Variants in SERGEF observed in about 807,000 individuals in gnomAD.
SERGEF encodes the protein secretion regulating guanine nucleotide exchange factor, also known as secretion-regulating guanine nucleotide exchange factor.
SERGEF carries 51 observed loss-of-function variants against 50.0 expected under a neutral mutation model. The observed-to-expected ratio is 1.02, with a 90% CI of 0.81 to 1.29. The LOEUF (loss-of-function observed/expected upper bound fraction) is 1.29, where lower values mean the gene tolerates loss of function less well. SERGEF is among the 50% of genes most tolerant of loss of function. SERGEF has a pLI of 0.00. For missense variants in SERGEF, 521 were observed against 557.0 expected (o/e 0.94, Z 0.65); for synonymous variants, 205 against 212.4 (o/e 0.97, Z 0.30).
chr11:17,835,905 T>C (rs992373350), intron 10 of SERGEF, among the ~76,000 whole-genome samples: 1 of 152,228 alleles, frequency 6.6e-6, no homozygotes, highest in Non-Finnish European at 1.5e-5. Context: ...GAATTATAAA[T>C]GATAACTGGG....
At chr11:17,868,873 A>G (rs1851081164) in intron 10 of SERGEF, among the ~76,000 whole-genome samples, 1 of 152,144 alleles carries the variant, frequency 6.6e-6, no homozygotes, top group South Asian at 2.1e-4. Context: ...TATCATGAGA[A>G]CAGCATGAGA....
At chr11:17,943,739 A>G (rs1374147484) in intron 9 of SERGEF, among the ~76,000 whole-genome samples, 5 of 152,106 alleles carry the variant, frequency 3.3e-5, no homozygotes, top group Non-Finnish European at 7.4e-5. Context: ...TCCCACAAAC[A>G]CTGATGTGCT....
At chr11:17,995,960 A>G (rs368637006) in intron 5 of SERGEF, 51 bp from the exon 6 acceptor site, 76 of 1,301,614 alleles carry the variant, frequency 5.8e-5, no homozygotes, top group Non-Finnish European at 8.1e-5. Context: ...TCAGGATAAG[A>G]CTAGATTGCT....
chr11:17,892,371 C>T (rs1851547182), intron 9 of SERGEF, among the ~76,000 whole-genome samples: 2 of 152,130 alleles, frequency 1.3e-5, no homozygotes, highest in African/African-American at 2.4e-5. Context: ...TTGCCTTCTG[C>T]CCTCTGCCAC....
At chr11:17,939,337 T>C (rs1852516770) in intron 9 of SERGEF, 1 of 152,218 alleles carries the variant, frequency 6.6e-6, no homozygotes, top group African/African-American at 2.4e-5. Flanking sequence ...TAGACTTCAT[T>C]ATTCAGACTT....
intron 9 of SERGEF, among the ~76,000 whole-genome samples, chr11:17,896,447 C>T (rs1851621972): frequency 6.6e-6 from 1 of 151,336 alleles, no homozygotes; most frequent in Non-Finnish European, 1.5e-5. Flanking sequence ...GGTATAATTC[C>T]AGAGAGTACA....
Position 17,830,649 on chromosome 11 carries a change from G to GGAGAGAGAGAGA in SERGEF, c.1049-42248_1049-42237dup, listed in dbSNP as rs55967425. On this transcript the variant is annotated intron_variant, in intron 10 of 10. Transcript: ENST00000265965. ...GAGGGAAAGGGGGAGGGAGAGGGAG[G>GGAGAGAGAGAGA]GAGAGAGAGAGAGAGAGAGAGAGAG... 1.4e-3 allele frequency among the ~76,000 whole-genome samples: 108 copies of GGAGAGAGAGAGA among 77,746 alleles called. 2 individuals are homozygous for GGAGAGAGAGAGA. The highest frequency in any genetic ancestry group is 1.7e-3 in the African/African-American group (30 of 17,328). 51.0% of individuals were successfully genotyped at this position (77,746 alleles called of 152,430 possible). A position where few individuals can be genotyped will look rare whatever the true frequency, so the allele number is the denominator to read the frequency against.
chr11:17,841,229 G>A (rs1263952220), intron 10 of SERGEF, among the ~76,000 whole-genome samples: 1 of 152,182 alleles, frequency 6.6e-6, no homozygotes, highest in Non-Finnish European at 1.5e-5. Flanking sequence ...CCATGGGCAT[G>A]GAATATCCAT....
At chr11:18,002,676 T>C (rs544519808) in intron 4 of SERGEF, among the ~76,000 whole-genome samples, 2 of 152,354 alleles carry the variant, frequency 1.3e-5, no homozygotes, top group Admixed American at 1.3e-4. Context: ...GCATCTGTCA[T>C]AGTTCTGACA....
intron 9 of SERGEF, among the ~76,000 whole-genome samples, chr11:17,946,488 G>A (rs1164391309): frequency 6.6e-6 from 1 of 152,208 alleles, no homozygotes; most frequent in Non-Finnish European, 1.5e-5. Flanking sequence ...AGACCCTGAT[G>A]AGGGAGGCTG....
At chr11:17,926,881 G>A (rs1434345952) in intron 9 of SERGEF, 1 of 456,034 alleles carries the variant, frequency 2.2e-6, no homozygotes, top group Non-Finnish European at 4.4e-6. Context: ...AATATTTATA[G>A]AATGAAAAGG....
intron 3 of SERGEF, among the ~76,000 whole-genome samples, chr11:18,005,104 T>A (rs983509989): frequency 4.6e-5 from 7 of 152,210 alleles, no homozygotes; most frequent in Non-Finnish European, 1.0e-4. Flanking sequence ...GTCCTCCAAT[T>A]TAGCCTTTAC....
At chr11:17,883,107 C>T (rs1851367102) in intron 9 of SERGEF, among the ~76,000 whole-genome samples, 1 of 152,028 alleles carries the variant, frequency 6.6e-6, no homozygotes, top group Non-Finnish European at 1.5e-5. Flanking sequence ...GTCAGAGCTG[C>T]AAAAAACAAA....
chr11:17,932,058 A>G (rs201164191), intron 9 of SERGEF, among the ~76,000 whole-genome samples: 5 of 47,232 alleles, frequency 1.1e-4, no homozygotes, highest in East Asian at 2.1e-3. Context: ...GGTGTTTTGG[A>G]AAAAAAAACA....
intron 9 of SERGEF, among the ~76,000 whole-genome samples, chr11:17,899,739 G>A (rs904047899): frequency 2.0e-5 from 3 of 151,994 alleles, no homozygotes; most frequent in Non-Finnish European, 4.4e-5. Flanking sequence ...GATCACTTGA[G>A]GCCAGCGGTT....
At chr11:18,000,771 T>A (rs895458865) in intron 4 of SERGEF, 11 of 678,404 alleles carry the variant, frequency 1.6e-5, no homozygotes, top group Middle Eastern at 2.4e-4. Context: ...CAATACCATA[T>A]GACAACAACT....
At chr11:17,979,561 T>C (rs1197132533) in intron 8 of SERGEF, among the ~76,000 whole-genome samples, 1 of 152,068 alleles carries the variant, frequency 6.6e-6, no homozygotes, top group Non-Finnish European at 1.5e-5. Context: ...TATCTTTTCT[T>C]CTCTATCTCC....
At chr11:17,808,126 C>T (rs1849795746) in intron 10 of SERGEF, among the ~76,000 whole-genome samples, 1 of 152,210 alleles carries the variant, frequency 6.6e-6, no homozygotes, top group African/African-American at 2.4e-5. Context: ...TGACATCCCA[C>T]TACCAAGGGC....
intron 9 of SERGEF, among the ~76,000 whole-genome samples, chr11:17,947,078 G>A (rs997249435): frequency 6.6e-6 from 1 of 152,224 alleles, no homozygotes; most frequent in Non-Finnish European, 1.5e-5. Context: ...ATAATCAGAT[G>A]TTACAATACA....
Sources: gnomAD v4.1 joint callset for allele counts (sites outside exome capture counted in the v4.1 genomes callset) on GRCh38, gnomAD v4.1.1 for gene constraint, MANE v1.5 for transcripts, NCBI Gene and HGNC (gene_info 2026-07-23, HGNC 2026-07-21) for gene names.